TNFSF11: variants seen among roughly 807,000 people sequenced by gnomAD.
TNFSF11 encodes tumor necrosis factor ligand superfamily member 11.
A neutral mutation model predicts 32.2 loss-of-function variants in TNFSF11; 12 were observed. That is an observed-to-expected ratio of 0.37 (90% CI 0.24 to 0.60). The LOEUF (loss-of-function observed/expected upper bound fraction) is 0.60. Among genes scored for constraint, TNFSF11 ranks in the 20% least tolerant of loss-of-function variants. The pLI, the probability that TNFSF11 is intolerant of heterozygous loss-of-function variation, is 0.66. For synonymous variants in TNFSF11, 172 were observed against 152.1 expected, an observed-to-expected ratio of 1.13 and a Z score of -0.96; for missense variants, 345 against 398.0, an observed-to-expected ratio of 0.87 and a Z score of 1.13.
At chr13:42,570,212 T>C (rs2056705950), upstream of TNFSF11, among the ~76,000 whole-genome samples, 1 of 152,218 alleles carries the variant, frequency 6.6e-6, no homozygotes, top group South Asian at 2.1e-4. Flanking sequence ...ATCCTTCTCA[T>C]ATCTGCACTT....
intron 1 of TNFSF11, among the ~76,000 whole-genome samples, chr13:42,565,932 T>A (rs1263748312): frequency 6.6e-6 from 1 of 152,204 alleles, no homozygotes; most frequent in East Asian, 1.9e-4. Flanking sequence ...TCTGGGAATA[T>A]GGCAGCACAG....
upstream of TNFSF11, chr13:42,571,617 C>G (rs907561081): frequency 6.6e-6 from 1 of 152,182 alleles, no homozygotes; most frequent in African/African-American, 2.4e-5. Flanking sequence ...GATCCTCACG[C>G]CTCGGCCACC....
chr13:42,601,972 G>A (rs1285426893), intron 4 of TNFSF11, among the ~76,000 whole-genome samples: 4 of 152,224 alleles, frequency 2.6e-5, no homozygotes, highest in African/African-American at 9.6e-5. Flanking sequence ...TGATTGCTAA[G>A]TCCGTGCTTT....
upstream of TNFSF11, chr13:42,574,147 G>C: frequency 2.1e-6 from 2 of 943,494 alleles, no homozygotes; most frequent in South Asian, 1.6e-5. Flanking sequence ...GCTGCCGGGC[G>C]CCCTGCCCGC....
At chr13:42,581,417 A>G in intron 2 of TNFSF11, 124 bp downstream of exon 2, 1 of 1,110,588 alleles carries the variant, frequency 9.0e-7, no homozygotes, top group Non-Finnish European at 1.3e-6. Flanking sequence ...AAAGAGCTAC[A>G]GGGAATGCTT....
intron 2 of TNFSF11, among the ~76,000 whole-genome samples, chr13:42,597,285 C>G (rs937280626): frequency 6.6e-6 from 1 of 150,902 alleles, no homozygotes; most frequent in African/African-American, 2.4e-5. Flanking sequence ...GCAGCATTAC[C>G]TCTTGGGTCT....
intron 4 of TNFSF11, among the ~76,000 whole-genome samples, chr13:42,605,171 G>A (rs936818092): frequency 6.6e-6 from 1 of 152,152 alleles, no homozygotes; most frequent in Non-Finnish European, 1.5e-5. Flanking sequence ...TCCACTATAA[G>A]TCTTCATCTC....
At chr13:42,606,341 G>A (rs1309675570) in intron 4 of TNFSF11, among the ~76,000 whole-genome samples, 156 bp from the exon 5 acceptor site, 1 of 152,206 alleles carries the variant, frequency 6.6e-6, no homozygotes, top group African/African-American at 2.4e-5. Context: ...ACATCTGAAT[G>A]TATTCTCCCC....
At chr13:42,583,871 C>G (rs7317331) in intron 2 of TNFSF11, among the ~76,000 whole-genome samples, 6 of 151,786 alleles carry the variant, frequency 4.0e-5, no homozygotes, top group African/African-American at 1.4e-4. Flanking sequence ...GAAAAGAGGG[C>G]AGAATTTGCA....
At chr13:42,577,572 A>G (rs938058487) in intron 1 of TNFSF11, among the ~76,000 whole-genome samples, 6 of 152,238 alleles carry the variant, frequency 3.9e-5, no homozygotes, top group Admixed American at 1.3e-4. Context: ...TTTAACATCC[A>G]TATAACCATA....
At chr13:42,593,116 G>A (rs1226599663) in intron 2 of TNFSF11, among the ~76,000 whole-genome samples, 1 of 152,188 alleles carries the variant, frequency 6.6e-6, no homozygotes, top group Non-Finnish European at 1.5e-5. Context: ...TTCTCCAAGG[G>A]TCACATCATT....
At chr13:42,590,219 G>A (rs1356205065) in intron 2 of TNFSF11, among the ~76,000 whole-genome samples, 1 of 152,280 alleles carries the variant, frequency 6.6e-6, no homozygotes, top group Non-Finnish European at 1.5e-5. Context: ...TGTGCCCTAT[G>A]TGTGCACACT....
chr13:42,597,781 G>C (rs1868903213), intron 2 of TNFSF11, among the ~76,000 whole-genome samples: 1 of 152,180 alleles, frequency 6.6e-6, no homozygotes, highest in Non-Finnish European at 1.5e-5. Context: ...GTGGTGCAAT[G>C]CATACATGCT....
rs781638608 is a variant in TNFSF11 at position 42,574,445 on chromosome 13, A to C, written c.142A>C (p.Met48Leu). 29 of 1,607,452 alleles carry C rather than the reference A, an allele frequency of 1.8e-5. 1 individual carries two copies. The South Asian group carries it at 3.1e-4, about 17-fold the overall frequency. ...CCAGCCCCCTGCCGCCTCCCGCTCC[A>C]TGTTCGTGGCCCTCCTGGGGCTGGG... ...PHQPPAASRS[M>L]FVALLGLGLG... The change falls in exon 1 of 5, where the codon ATG becomes CTG. Residue 48 changes from methionine (M) to leucine (L), a missense_variant. Physicochemically the swap from Met to Leu is conservative, Grantham distance 15 (BLOSUM62 2). Coordinates refer to ENST00000398795, the MANE Select transcript of TNFSF11 (RefSeq NM_003701.4).
rs201471191 is a variant in TNFSF11 at position 42,574,207 on chromosome 13, C to G, written c.-97C>G. ...AGCCGGGCTCCAAGTCGGCGCCCCACGTCGAGGCTCCGCCGCAGCCTCCGG... is the reference window on the plus strand; with the variant it reads ...AGCCGGGCTCCAAGTCGGCGCCCCAGGTCGAGGCTCCGCCGCAGCCTCCGG... On this transcript the variant is annotated 5_prime_UTR_variant, in exon 1 of 5. Coordinates refer to ENST00000398795, the MANE Select transcript of TNFSF11 (RefSeq NM_003701.4). 4 of 1,482,374 alleles carry G rather than the reference C, an allele frequency of 2.7e-6. No homozygotes were observed. The African/African-American group carries it at 5.6e-5, about 21-fold the overall frequency. The allele number at this position is 1,482,374 out of a possible 1,614,324, so 91.8% of individuals were successfully genotyped here. A position where few individuals can be genotyped will look rare whatever the true frequency, so the allele number is the denominator to read the frequency against.
intron 4 of TNFSF11, among the ~76,000 whole-genome samples, chr13:42,605,573 G>C (rs1869410959): frequency 6.6e-6 from 1 of 151,362 alleles, no homozygotes; most frequent in African/African-American, 2.4e-5. Flanking sequence ...ACACACTGCT[G>C]GTTTAGAAGG....
chr13:42,574,601 G>A, intron 1 of TNFSF11, 79 bp downstream of exon 1: 1 of 1,491,418 alleles, frequency 6.7e-7, no homozygotes, highest in South Asian at 1.2e-5. Flanking sequence ...GAGTCTGGCG[G>A]CAGGGCTGGG....
intron 2 of TNFSF11, among the ~76,000 whole-genome samples, chr13:42,595,669 T>A (rs569154550): frequency 5.3e-4 from 81 of 152,344 alleles, no homozygotes; most frequent in African/African-American, 1.8e-3. Context: ...TAACATGTGG[T>A]TGTGTTGGAT....
chr13:42,572,811 T>G (rs952229680), upstream of TNFSF11, among the ~76,000 whole-genome samples: 1 of 152,186 alleles, frequency 6.6e-6, no homozygotes, highest in Non-Finnish European at 1.5e-5. Context: ...CTCAGAGACC[T>G]GTCATTTGTC....
Sources: allele counts gnomAD v4.1 joint callset (sites outside exome capture counted in the v4.1 genomes callset), GRCh38; gene constraint gnomAD v4.1.1; transcripts MANE v1.5; gene names NCBI Gene and HGNC (gene_info 2026-07-23, HGNC 2026-07-21).